The following SOX6 variants were observed in gnomAD, a reference collection of about 807,000 sequenced individuals.
SOX6 encodes the protein transcription factor SOX-6.
Under a neutral mutation model 97.8 loss-of-function variants are expected in SOX6, and 11 were observed. The ratio of observed to expected loss-of-function variants is 0.11; its 90% CI spans 0.07 to 0.19. SOX6 has a LOEUF of 0.19. SOX6 is among the 10% of genes least tolerant of loss of function. SOX6 has a pLI of 1.00. For synonymous variants in SOX6, 360 were observed against 371.4 expected (o/e 0.97, Z 0.35); for missense variants, 810 against 1,039.5 (o/e 0.78, Z 3.04).
chr11:16,083,451 A>T (rs1050605614), intron 9 of SOX6, among the ~76,000 whole-genome samples: 7 of 152,222 alleles, frequency 4.6e-5, no homozygotes, highest in African/African-American at 1.4e-4. Context: ...TTTGTTAATG[A>T]ATAATTTTCA....
intron 12 of SOX6, among the ~76,000 whole-genome samples, chr11:16,032,377 A>T (rs1353095580): frequency 6.6e-6 from 1 of 152,198 alleles, no homozygotes; most frequent in Non-Finnish European, 1.5e-5. Context: ...TGTGAACATC[A>T]AATGTGATTT....
At chr11:16,078,912 G>T (rs1353568583) in intron 9 of SOX6, among the ~76,000 whole-genome samples, 1 of 152,300 alleles carries the variant, frequency 6.6e-6, no homozygotes, top group South Asian at 2.1e-4. Context: ...ATAATGAAGA[G>T]ACCAGTGTAG....
At chr11:16,314,600 C>T (rs914652700) in intron 3 of SOX6, 1 of 152,178 alleles carries the variant, frequency 6.6e-6, no homozygotes, top group African/African-American at 2.4e-5. Context: ...GGTCCACAGA[C>T]TCCAGCAGAC....
At chr11:16,565,818 C>T (rs1302380655) in intron 4 of SOX6, among the ~76,000 whole-genome samples, 8 of 151,168 alleles carry the variant, frequency 5.3e-5, no homozygotes, top group Non-Finnish European at 8.8e-5. Context: ...CCACATAGGC[C>T]GGGCGCAGTG....
At chr11:15,998,001 A>T (rs1253497738) in intron 13 of SOX6, among the ~76,000 whole-genome samples, 1 of 151,708 alleles carries the variant, frequency 6.6e-6, no homozygotes, top group Non-Finnish European at 1.5e-5. Context: ...AATGTCTTGA[A>T]CCCGGGAGGC....
At chr11:16,639,540 C>T (rs1848857828) in intron 3 of SOX6, among the ~76,000 whole-genome samples, 2 of 152,250 alleles carry the variant, frequency 1.3e-5, no homozygotes, top group South Asian at 4.1e-4. Context: ...ATTCTTCCTA[C>T]CCATGAGCAT....
intron 4 of SOX6, among the ~76,000 whole-genome samples, chr11:16,497,722 G>A (rs138040267): frequency 0.17 from 26,144 of 152,072 alleles, 2,266 homozygotes; most frequent in African/African-American, 0.19. Context: ...AATCAGTGAT[G>A]GAAGATGAAA....
chr11:16,229,395 A>G (rs1305932926), intron 4 of SOX6, among the ~76,000 whole-genome samples: 1 of 152,064 alleles, frequency 6.6e-6, no homozygotes, highest in Non-Finnish European at 1.5e-5. Context: ...AAGAAAAGGC[A>G]TAAGAATAAC....
rs77779635 is a variant in SOX6 at position 16,244,895 on chromosome 11, A to G, written c.446-10224T>C. Among the ~76,000 whole-genome samples, 18 of 151,926 alleles carry G rather than the reference A, an allele frequency of 1.2e-4. No individual in the cohort carries two copies. The East Asian group carries it at 3.5e-3, about 29-fold the overall frequency. Reference sequence around the variant, plus strand: ...ACAATAAGTTTTGAAATCACGTGGAATAAGAATTTGTTCTTCTATTTCAAA... The same window carrying G: ...ACAATAAGTTTTGAAATCACGTGGAGTAAGAATTTGTTCTTCTATTTCAAA... On this transcript the variant is annotated intron_variant, in intron 3 of 15. Transcript: ENST00000683767.
chr11:16,383,351 A>G (rs115891213), intron 1 of SOX6, among the ~76,000 whole-genome samples: 82 of 152,070 alleles, frequency 5.4e-4, no homozygotes, highest in African/African-American at 1.9e-3. Context: ...AAGCTTATTT[A>G]GTTTTCTTAA....
At position 16,715,095 on chromosome 11, in the gene SOX6, T is replaced by C. The variant is rs145475990; in HGVS notation, n.354-190A>G. 3.0e-3 allele frequency among the ~76,000 whole-genome samples: 463 copies of C among 152,296 alleles called. 2 individuals carry two copies. The highest frequency in any genetic ancestry group is 0.01 in the Middle Eastern group (3 of 294). On this transcript the variant is annotated intron_variant and non_coding_transcript_variant, in intron 2 of 5. Transcript: ENST00000524520. ...CATGGGACCTGCTCCCATTCTGTTATGGAAAGCCTAAACCTGCACTGTCCA... is the reference window on the plus strand; with the variant it reads ...CATGGGACCTGCTCCCATTCTGTTACGGAAAGCCTAAACCTGCACTGTCCA...
At position 16,194,442 on chromosome 11, in the gene SOX6, A is replaced by C. The variant is rs528244355; in HGVS notation, c.536-7487T>G. Among the ~76,000 whole-genome samples the C allele has an allele frequency of 2.0e-5, 3 of 152,342 alleles. No individual in the cohort carries two copies. The South Asian group carries it at 6.2e-4, about 32-fold the overall frequency. On this transcript the variant is annotated intron_variant, in intron 4 of 15. Transcript: ENST00000683767. ...AGTAAATAAAAAGTTTAATAAATGC[A>C]GCAATTGTGCTCTTAGGAATCACTT...
intron 1 of SOX6, among the ~76,000 whole-genome samples, chr11:16,464,169 T>C (rs2133109074): frequency 6.6e-6 from 1 of 152,284 alleles, no homozygotes; most frequent in South Asian, 2.1e-4. Flanking sequence ...AAATCCCAAT[T>C]CAAGTTTAGT....
chr11:16,346,411 G>A (rs1239066743), intron 1 of SOX6, among the ~76,000 whole-genome samples: 1 of 151,970 alleles, frequency 6.6e-6, no homozygotes, highest in Non-Finnish European at 1.5e-5. Flanking sequence ...TCTTGGGGAA[G>A]GGAGGATGGC....
intron 3 of SOX6, among the ~76,000 whole-genome samples, chr11:16,280,638 C>A (rs535708776): frequency 5.9e-5 from 9 of 152,136 alleles, no homozygotes; most frequent in East Asian, 5.8e-4. Flanking sequence ...TTCTTAAAAC[C>A]CAATCCAAAT....
chr11:16,219,092 G>A (rs188405226), intron 4 of SOX6, among the ~76,000 whole-genome samples: 15 of 152,050 alleles, frequency 9.9e-5, no homozygotes, highest in African/African-American at 3.6e-4. Context: ...ACCTTTACTC[G>A]GTTATTTCTA....
chr11:16,616,792 C>T (rs1204037264), intron 3 of SOX6, among the ~76,000 whole-genome samples: 1 of 151,792 alleles, frequency 6.6e-6, no homozygotes, highest in Non-Finnish European at 1.5e-5. Flanking sequence ...TATTAACCAA[C>T]AAATTGTATA....
chr11:16,222,363 T>C (rs1178411856), intron 4 of SOX6, among the ~76,000 whole-genome samples: 2 of 152,024 alleles, frequency 1.3e-5, no homozygotes, highest in Non-Finnish European at 2.9e-5. Context: ...CAGGCACATG[T>C]CACCACACCC....
intron 1 of SOX6, among the ~76,000 whole-genome samples, chr11:16,441,649 A>C (rs1007063984): frequency 6.6e-6 from 1 of 152,222 alleles, no homozygotes; most frequent in Non-Finnish European, 1.5e-5. Context: ...AATATTCGAA[A>C]ATTGTAAACA....
Sources: gnomAD v4.1 joint callset for allele counts (sites outside exome capture counted in the v4.1 genomes callset) on GRCh38, gnomAD v4.1.1 for gene constraint, MANE v1.5 for transcripts, NCBI Gene and HGNC (gene_info 2026-07-23, HGNC 2026-07-21) for gene names.